PKHD1: variants seen among roughly 807,000 people sequenced by gnomAD.
The protein encoded by PKHD1 is fibrocystin.
In PKHD1, 291 loss-of-function variants were observed where a neutral mutation model predicts 412.0. The observed-to-expected ratio is 0.71, with a 90% confidence interval of 0.64 to 0.78. The LOEUF (loss-of-function observed/expected upper bound fraction) is 0.78. Ranked by LOEUF, PKHD1 falls within the 30% of genes least tolerant of loss-of-function variation. The pLI is 0.00. For synonymous variants in PKHD1, 1,777 were observed against 1,821.5 expected (o/e 0.98, Z 0.62); for missense variants, 4,825 against 4,950.7 (o/e 0.97, Z 0.76).
intron 54 of PKHD1, among the ~76,000 whole-genome samples, chr6:51,774,844 A>G (rs959949660): frequency 2.0e-5 from 3 of 151,864 alleles, no homozygotes; most frequent in African/African-American, 7.2e-5. Flanking sequence ...ACAGCAATGC[A>G]TCTAAGGGAG....
chr6:51,675,637 G>A (rs1330230210), intron 60 of PKHD1, among the ~76,000 whole-genome samples: 5 of 152,080 alleles, frequency 3.3e-5, no homozygotes, highest in Admixed American at 2.6e-4. Context: ...GAGAGAAGAA[G>A]GAAAAAAGCG....
intron 35 of PKHD1, among the ~76,000 whole-genome samples, chr6:51,979,384 T>A (rs1255884050): frequency 1.3e-5 from 2 of 152,182 alleles, no homozygotes; most frequent in African/African-American, 4.8e-5. Context: ...ATTTATTAAA[T>A]GAATGAATAA....
intron 49 of PKHD1, 66 bp downstream of exon 49, chr6:51,855,827 C>T: frequency 1.6e-6 from 2 of 1,266,120 alleles, no homozygotes; most frequent in South Asian, 1.2e-5. Context: ...AACCCATTAT[C>T]TCAAACAAAG....
intron 61 of PKHD1, among the ~76,000 whole-genome samples, chr6:51,657,710 A>G (rs1772116638): frequency 6.6e-6 from 1 of 152,162 alleles, no homozygotes; most frequent in East Asian, 1.9e-4. Context: ...CCCCACATAT[A>G]TGTGTGTATA....
At chr6:51,815,688 C>T (rs1420142247) in intron 52 of PKHD1, among the ~76,000 whole-genome samples, 1 of 152,154 alleles carries the variant, frequency 6.6e-6, no homozygotes, top group Non-Finnish European at 1.5e-5. Context: ...ACTCTGAAAG[C>T]TTCAGGAAGC....
intron 37 of PKHD1, among the ~76,000 whole-genome samples, chr6:51,917,981 A>G (rs1784091623): frequency 1.3e-5 from 2 of 152,128 alleles, no homozygotes; most frequent in African/African-American, 4.8e-5. Context: ...GACTTACTGT[A>G]TGTTGGGGAA....
chr6:51,988,685 C>T (rs1796502679), intron 35 of PKHD1, among the ~76,000 whole-genome samples: 2 of 152,250 alleles, frequency 1.3e-5, no homozygotes, highest in African/African-American at 2.4e-5. Context: ...GGCTTTACAC[C>T]TGTAGATCCA....
At chr6:52,006,466 T>G (rs1317798119) in intron 35 of PKHD1, among the ~76,000 whole-genome samples, 1 of 152,028 alleles carries the variant, frequency 6.6e-6, no homozygotes, top group Non-Finnish European at 1.5e-5. Flanking sequence ...AACATCCGCC[T>G]CCAGGGTTCA....
rs1235375422 is a variant in PKHD1 at position 52,060,032 on chromosome 6, T to C, written c.1129A>G (p.Ser377Gly). Residue 377 changes from serine (S) to glycine (G), a missense_variant, in exon 15 of 67, where the codon AGT (serine) becomes GGT (glycine). Ser to Gly is a moderately conservative substitution (Grantham distance 56). Transcript: ENST00000371117. Reference sequence around the variant, plus strand: ...GTCTCTGGAGCCACAAAGAACCCACTGAGCCGTGCTCTGTAAAGTAGAACA... The same window carrying C: ...GTCTCTGGAGCCACAAAGAACCCACCGAGCCGTGCTCTGTAAAGTAGAACA... Reference protein sequence around the residue: ...QEGQPFRARLSGFFVAPETNN... With the variant: ...QEGQPFRARLGGFFVAPETNN... 2 of 1,594,486 alleles carry C rather than the reference T, an allele frequency of 1.3e-6. No homozygotes were observed. Among genetic ancestry groups the C allele is most frequent in the Admixed American group, 1.7e-5 (1 of 59,980 alleles).
chr6:51,675,069 T>A (rs186261445), intron 60 of PKHD1, among the ~76,000 whole-genome samples: 253 of 152,316 alleles, frequency 1.7e-3, no homozygotes, highest in South Asian at 6.8e-3. Context: ...AGGTCACCTT[T>A]AATCAATCCT....
intron 61 of PKHD1, among the ~76,000 whole-genome samples, chr6:51,651,955 A>G (rs1771045547): frequency 6.6e-6 from 1 of 152,156 alleles, no homozygotes; most frequent in African/African-American, 2.4e-5. Context: ...ATGTCCAAAC[A>G]TCATTACATG....
At chr6:51,919,322 G>A (rs1466967682) in intron 37 of PKHD1, among the ~76,000 whole-genome samples, 1 of 152,158 alleles carries the variant, frequency 6.6e-6, no homozygotes, top group African/African-American at 2.4e-5. Flanking sequence ...GTAAGGAAGG[G>A]ATCCAATTTC....
intron 37 of PKHD1, among the ~76,000 whole-genome samples, 185 bp from the exon 38 acceptor site, chr6:51,912,761 C>T (rs1783160245): frequency 6.6e-6 from 1 of 151,900 alleles, no homozygotes; most frequent in Non-Finnish European, 1.5e-5. Context: ...TTTTGTTTGA[C>T]CTTGGTTTTC....
intron 27 of PKHD1, among the ~76,000 whole-genome samples, chr6:52,039,584 G>C (rs986890368): frequency 6.6e-6 from 1 of 152,026 alleles, no homozygotes; most frequent in Non-Finnish European, 1.5e-5. Flanking sequence ...TAAACTTTCC[G>C]GTCTCAGGTA....
chr6:51,976,686 A>G (rs1333596109), intron 35 of PKHD1, among the ~76,000 whole-genome samples: 1 of 152,242 alleles, frequency 6.6e-6, no homozygotes, highest in African/African-American at 2.4e-5. Flanking sequence ...ACGGTGGCTC[A>G]CGCCTGTAAT....
intron 21 of PKHD1, among the ~76,000 whole-genome samples, chr6:52,052,792 A>G (rs113155460): frequency 2.0e-5 from 3 of 152,332 alleles, no homozygotes; most frequent in South Asian, 2.1e-4. Context: ...CCCATTTTAC[A>G]GATGAAGAAA....
chr6:51,650,870 T>C (rs188413926), intron 61 of PKHD1, among the ~76,000 whole-genome samples: 18 of 152,278 alleles, frequency 1.2e-4, no homozygotes, highest in African/African-American at 1.7e-4. Context: ...TTTCCTTTTT[T>C]AAAGGGAACA....
rs770820232 is a variant in PKHD1 at position 51,870,515 on chromosome 6, G to A, written c.7475C>T (p.Ser2492Phe). The part of the protein sequence containing the change: ...CVAIRTCSDC[S>F]QGQGGFTVKT... ...ATTCAAATAATTACCTTGTCCTTGG[G>A]AACAGTCTGAACAGGTTCTAATGGC... Residue 2492 changes from serine to phenylalanine, a missense_variant, in exon 47 of 67, where the codon TCC (serine) becomes TTC (phenylalanine). Transcript: ENST00000371117. The A allele has an allele frequency of 1.2e-6, 2 of 1,611,746 alleles. No homozygotes were observed. The highest frequency in any genetic ancestry group is 3.3e-5 in the Admixed American group (2 of 59,988).
intron 60 of PKHD1, among the ~76,000 whole-genome samples, chr6:51,716,697 A>G (rs2150794274): frequency 6.6e-6 from 1 of 152,172 alleles, no homozygotes; most frequent in African/African-American, 2.4e-5. Flanking sequence ...TTGGTCCTGA[A>G]GTGGGTGTAA....
Sources: allele counts gnomAD v4.1 joint callset (sites outside exome capture counted in the v4.1 genomes callset), GRCh38; gene constraint gnomAD v4.1.1; transcripts MANE v1.5; gene names NCBI Gene and HGNC (gene_info 2026-07-23, HGNC 2026-07-21).